The following DDX17 variants were observed in gnomAD, a reference collection of about 807,000 sequenced individuals.
The protein encoded by DDX17 is probable ATP-dependent RNA helicase DDX17.
A neutral mutation model predicts 80.8 loss-of-function variants in DDX17; 10 were observed. The observed-to-expected ratio is 0.12, with a 90% CI of 0.08 to 0.21. The LOEUF (loss-of-function observed/expected upper bound fraction) is 0.21. DDX17 is among the 10% of genes least tolerant of loss of function. DDX17 has a pLI of 1.00. For missense variants in DDX17, 586 were observed against 957.4 expected, an observed-to-expected ratio of 0.61 and a Z score of 5.12; for synonymous variants, 339 against 336.2, an observed-to-expected ratio of 1.01 and a Z score of -0.09.
intron 3 of DDX17, among the ~76,000 whole-genome samples, chr22:38,498,879 G>A (rs2089797215): frequency 6.6e-6 from 1 of 152,188 alleles, no homozygotes; most frequent in African/African-American, 2.4e-5. Context: ...AGCCAGAGTG[G>A]TGGTGGGCCC....
In DDX17 at chr22:38,499,517, A is replaced by G. The variant is rs745750546; in HGVS notation, c.439-18T>C. ...ACCTCATACTATTGAAAAAAAATGA[A>G]AGAAGTTAGTAAACTAGTTATTCTA... On this transcript the variant is annotated intron_variant, in intron 2 of 12. Coordinates refer to ENST00000403230, the MANE Select transcript of DDX17 (RefSeq NM_006386.5). 5.0e-6 allele frequency: 4 copies of G among 793,008 alleles called. No individual in the cohort carries two copies. The highest frequency in any genetic ancestry group is 7.1e-6 in the Non-Finnish European group (4 of 564,634). 49.1% of individuals were successfully genotyped at this position (793,008 alleles called of 1,614,324 possible).
At chr22:38,490,163 A>G (rs955301234) in intron 11 of DDX17, 6 of 1,170,644 alleles carry the variant, frequency 5.1e-6, no homozygotes, top group Non-Finnish European at 6.4e-6. Context: ...TCTCCAGTCA[A>G]GTCTACCCTG....
chr22:38,498,323 C>A (rs1409114401), intron 4 of DDX17, 117 bp downstream of exon 4: 1 of 1,458,702 alleles, frequency 6.9e-7, no homozygotes, highest in African/African-American at 1.4e-5. Context: ...TATTTAATAA[C>A]TAAAATAGTA....
intron 10 of DDX17, among the ~76,000 whole-genome samples, chr22:38,493,043 C>T (rs555669483): frequency 2.0e-5 from 3 of 152,276 alleles, no homozygotes; most frequent in East Asian, 3.9e-4. Context: ...GAGCCAGCAT[C>T]GTGGCCCTTA....
chr22:38,486,339 G>A lies in DDX17; in HGVS notation c.1786C>T (p.Arg596Trp), dbSNP rs951870757. ...TCCCGATAGCTTGCAGAGTCTCTCC[G>A]GCCACCATCCTTGACTCCTCGAAGC... The change falls in exon 13 of 13, where the codon CGG becomes TGG. Residue 596 changes from arginine to tryptophan, a missense_variant. By Grantham distance (101) the Arg-to-Trp change is moderately radical. Coordinates refer to ENST00000403230, the MANE Select transcript of DDX17 (RefSeq NM_006386.5). 13 of 1,614,094 alleles carry A rather than the reference G, an allele frequency of 8.1e-6. No homozygotes were observed. Among genetic ancestry groups the A allele is most frequent in the East Asian group, 2.2e-5 (1 of 44,888 alleles).
At position 38,486,302 on chromosome 22, in the gene DDX17, G is replaced by T; in HGVS notation, c.1823C>A (p.Thr608Asn). 1 of 1,614,146 alleles carries T rather than the reference G, an allele frequency of 6.2e-7. No homozygotes were observed. The highest frequency in any genetic ancestry group is 8.5e-7 in the Non-Finnish European group (1 of 1,180,030). Residue 608 changes from threonine (T) to asparagine (N), a missense_variant, in exon 13 of 13, where the codon ACC (threonine) becomes AAC (asparagine). This residue lies in a region of DDX17 where 221 missense variants were observed against 261.4 expected (regional missense o/e 0.85). Coordinates refer to ENST00000403230, the MANE Select transcript of DDX17 (RefSeq NM_006386.5). ...GCCATTAGCATAACCAGCTCTATCG[G>T]TTTCACTACGATCCCGATAGCTTGC...
In DDX17 at chr22:38,486,439, A is replaced by G. The variant is rs1450587586; in HGVS notation, c.1686T>C (p.Gly562=). 6.3e-7 allele frequency: 1 copy of G among 1,597,216 alleles called. No individual in the cohort carries two copies. Among genetic ancestry groups the G allele is most frequent in the Non-Finnish European group, 8.5e-7 (1 of 1,171,290 alleles). The change falls in exon 13 of 13, where the codon GGT becomes GGC. Residue 562 remains glycine (G), a splice_region_variant and synonymous_variant. Transcript: ENST00000403230. The stretch of plus-strand genomic sequence containing the variant: ...AAGTGGTCCGGTAACGAGAACGACC[A>G]CCTAATGGGAAGATACAAGAAGATT...
rs2089636624 is a variant in DDX17, at chr22:38,484,633, A to C, written c.*1302T>G. 6.6e-6 allele frequency: 1 copy of C among 152,212 alleles called. No homozygotes were observed. Among genetic ancestry groups the C allele is most frequent in the African/African-American group, 2.4e-5 (1 of 41,448 alleles). 9.4% of individuals were successfully genotyped at this position (152,212 alleles called of 1,614,324 possible). A position where few individuals can be genotyped will look rare whatever the true frequency, so the allele number is the denominator to read the frequency against. ...TGTTGTAGTGAACACAATAGCAGAA[A>C]ATTCTTTCTGGGTCCATCTGCTATA... On this transcript the variant is annotated 3_prime_UTR_variant, in exon 13 of 13. Coordinates refer to ENST00000403230, the MANE Select transcript of DDX17 (RefSeq NM_006386.5).
intron 11 of DDX17, chr22:38,488,753 T>C: frequency 4.1e-6 from 4 of 985,856 alleles, no homozygotes; most frequent in Non-Finnish European, 4.8e-6. Flanking sequence ...TGCAGAAACA[T>C]CCAGATTATC....
At chr22:38,505,782 T>C in intron 1 of DDX17, 169 bp downstream of exon 1, 4 of 835,884 alleles carry the variant, frequency 4.8e-6, no homozygotes, top group Non-Finnish European at 7.2e-6. Context: ...GGGTCCCGAG[T>C]GACCCCGGGG....
At chr22:38,505,158 C>T (rs1204659341) in intron 1 of DDX17, 1 of 152,296 alleles carries the variant, frequency 6.6e-6, no homozygotes, top group Admixed American at 6.5e-5. Context: ...ATCCGCCCGC[C>T]TCGGCCTCCC....
At position 38,485,397 on chromosome 22, in the gene DDX17, C is replaced by G. The variant is rs1247811899; in HGVS notation, c.*538G>C. ...ATCAGTCAAAACAGGCCCGAGGAAA[C>G]CTGTTCCAACTTAAGAAACATTTAA... On this transcript the variant is annotated 3_prime_UTR_variant, in exon 13 of 13. Transcript: ENST00000403230. 6.6e-6 allele frequency: 1 copy of G among 152,104 alleles called. No individual in the cohort carries two copies. Among genetic ancestry groups the G allele is most frequent in the Admixed American group, 6.6e-5 (1 of 15,266 alleles). 9.4% of individuals were successfully genotyped at this position (152,104 alleles called of 1,614,324 possible).
chr22:38,493,972 T>TAA (rs2089737237), intron 9 of DDX17, 49 bp downstream of exon 9: 1 of 1,466,222 alleles, frequency 6.8e-7, no homozygotes, highest in Non-Finnish European at 9.4e-7. Flanking sequence ...TTTAGAAATT[T>TAA]CCAGTTAACT....
chr22:38,498,705 C>T, intron 3 of DDX17, 132 bp from the exon 4 acceptor site: 1 of 944,370 alleles, frequency 1.1e-6, no homozygotes, highest in South Asian at 1.6e-5. Flanking sequence ...TTTTCTTTAT[C>T]TACTAGATCT....
chr22:38,491,852 A>AG (rs1164570969), intron 11 of DDX17: 3 of 405,382 alleles, frequency 7.4e-6, no homozygotes, highest in East Asian at 4.2e-5. Context: ...TGAAAATAAA[A>AG]GGGGGGTGGG....
At chr22:38,490,069 C>CAA in intron 11 of DDX17, 1 of 1,069,608 alleles carries the variant, frequency 9.3e-7, no homozygotes, top group South Asian at 2.7e-5. Context: ...AGACATGATG[C>CAA]AAGTTCTTCA....
intron 5 of DDX17, 59 bp from the exon 6 acceptor site, chr22:38,495,996 AAAAG>A (rs2089761719): frequency 4.2e-5 from 59 of 1,393,682 alleles, no homozygotes; most frequent in Middle Eastern, 2.0e-4. Flanking sequence ...AAAAAAAAAA[AAAAG>A]AAGAAACAAA....
chr22:38,504,068 T>C (rs1275520887), intron 1 of DDX17, among the ~76,000 whole-genome samples: 1 of 152,232 alleles, frequency 6.6e-6, no homozygotes, highest in Non-Finnish European at 1.5e-5. Context: ...ACACCAATGG[T>C]AAAGAAATAG....
chr22:38,497,793 CAAAA>C (rs201107229), intron 5 of DDX17, among the ~76,000 whole-genome samples: 16 of 150,882 alleles, frequency 1.1e-4, no homozygotes, highest in Admixed American at 2.0e-4. Flanking sequence ...AACAAAAAAA[CAAAA>C]AAAACCACAC....
Sources: gnomAD v4.1 joint callset for allele counts (sites outside exome capture counted in the v4.1 genomes callset) on GRCh38, gnomAD v4.1.1 for gene constraint, gnomAD v4.1.1 regional missense constraint, MANE v1.5 for transcripts, NCBI Gene and HGNC (gene_info 2026-07-23, HGNC 2026-07-21) for gene names.